The following CAPS2 variants were observed in gnomAD, a reference collection of about 807,000 sequenced individuals.
CAPS2 encodes the protein calcyphosin-2.
A neutral mutation model predicts 86.5 loss-of-function variants in CAPS2; 98 were observed. The ratio of observed to expected loss-of-function variants is 1.13; its 90% CI spans 0.96 to 1.34. CAPS2 has a LOEUF of 1.34. Ranked by LOEUF, CAPS2 falls within the 40% of genes most tolerant of loss-of-function variation. The pLI is 0.00. For synonymous variants in CAPS2, 210 were observed against 225.1 expected, an observed-to-expected ratio of 0.93 and a Z score of 0.60; for missense variants, 729 against 686.8, an observed-to-expected ratio of 1.06 and a Z score of -0.69.
At position 75,305,984 on chromosome 12, in the gene CAPS2, G is replaced by T. The variant is rs113577778; in HGVS notation, c.660-1108C>A. 4.1e-3 allele frequency: 5,814 copies of T among 1,404,422 alleles called. 120 individuals carry two copies. In the African/African-American group the frequency reaches 0.051, roughly 12 times the overall value. The allele number at this position is 1,404,422 out of a possible 1,614,324, so 87.0% of individuals were successfully genotyped here. ...CAGGGTGGCTCTGAGCAACAGCAGG[G>T]TCCTGACAGGCCTCCTGCTCATGAT... On this transcript the variant is annotated intron_variant, in intron 7 of 16. Coordinates refer to ENST00000393284, the Ensembl canonical transcript of CAPS2.
chr12:75,343,561 A>T (rs2042255888), intron 1 of CAPS2: 2 of 709,672 alleles, frequency 2.8e-6, no homozygotes, highest in Non-Finnish European at 4.5e-6. Flanking sequence ...CTATGCACAT[A>T]ATAAATACCA....
Position 75,381,938 on chromosome 12 carries a change from G to A in CAPS2, c.-395+8900C>T, listed in dbSNP as rs191883313. 2.2e-4 allele frequency among the ~76,000 whole-genome samples: 33 copies of A among 152,206 alleles called. No homozygotes were observed. In the East Asian group the frequency reaches 6.4e-3, roughly 29 times the overall value. ...TCTTATGAAATTTGAATGGCTCCCT[G>A]TGCATCTGGGATTTTAATCCTTGGA... On this transcript the variant is annotated intron_variant, in intron 1 of 5. Coordinates refer to the CAPS2 transcript ENST00000551829.
chr12:75,312,528 T>C (rs1369510105), intron 7 of CAPS2, among the ~76,000 whole-genome samples: 1 of 152,206 alleles, frequency 6.6e-6, no homozygotes, highest in Non-Finnish European at 1.5e-5. Context: ...TACAGATCCT[T>C]AGTAAGAATA....
intron 5 of CAPS2, among the ~76,000 whole-genome samples, chr12:75,316,770 A>C (rs1038808241): frequency 6.6e-6 from 1 of 152,188 alleles, no homozygotes; most frequent in African/African-American, 2.4e-5. Context: ...AGCAGCTATT[A>C]TAATTATTAT....
Position 75,359,357 on chromosome 12 carries a change from C to CTTTTTTTTTTTTTTTTTTTT in CAPS2, c.-395+31461_-395+31480dup. ...GAGTTAGAAGACTCAGCATTGTTGT[C>CTTTTTTTTTTTTTTTTTTTT]TTTTTTTTTTTTTTTTTTTTTTTTT... On this transcript the variant is annotated intron_variant, in intron 1 of 5. Coordinates refer to the CAPS2 transcript ENST00000551829. 7.0e-5 allele frequency among the ~76,000 whole-genome samples: 2 copies of CTTTTTTTTTTTTTTTTTTTT among 28,600 alleles called. 1 individual carries two copies. The highest frequency in any genetic ancestry group is 2.8e-4 in the African/African-American group (2 of 7,160). The allele number at this position is 28,600 out of a possible 152,430, so 18.8% of individuals were successfully genotyped here.
chr12:75,342,696 T>C (rs2042197629), intron 1 of CAPS2, among the ~76,000 whole-genome samples: 1 of 152,172 alleles, frequency 6.6e-6, no homozygotes, highest in Non-Finnish European at 1.5e-5. Context: ...CACATAAATT[T>C]TGTAATCAAT....
rs377661352 is a variant in CAPS2, at chr12:75,298,770, G to A, written c.961C>T (p.Leu321Phe). The A allele has an allele frequency of 1.1e-5, 17 of 1,612,948 alleles. No homozygotes were observed. Among genetic ancestry groups the A allele is most frequent in the African/African-American group, 5.3e-5 (4 of 74,876 alleles). ...TAAATGCTTTTTTGAATAAAAGGAA[G>A]CACATTTGTTCTAGAAAGTAAATGA... is the stretch of plus-strand genomic sequence containing the variant. The change falls in exon 11 of 17, where the codon CTT becomes TTT. Residue 321 changes from leucine to phenylalanine, a missense_variant. Coordinates refer to ENST00000393284, the Ensembl canonical transcript of CAPS2.
chr12:75,305,578 C>T (rs1362470626), intron 7 of CAPS2: 5 of 629,882 alleles, frequency 7.9e-6, no homozygotes, highest in Admixed American at 5.8e-5. Context: ...GCAGAGCCCT[C>T]CTCCAGACCC....
chr12:75,299,113 A>G, intron 9 of CAPS2, 147 bp from the exon 10 acceptor site: 1 of 528,408 alleles, frequency 1.9e-6, no homozygotes, highest in South Asian at 3.8e-5. Context: ...TAGGGAAAAC[A>G]CAAAAACATA....
chr12:75,311,820 A>AG (rs1438633077), intron 7 of CAPS2, among the ~76,000 whole-genome samples: 2 of 151,332 alleles, frequency 1.3e-5, no homozygotes, highest in Non-Finnish European at 2.9e-5. Context: ...AGAAATCATT[A>AG]GTCTAGCAAT....
intron 1 of CAPS2, among the ~76,000 whole-genome samples, chr12:75,345,166 T>A (rs2042364709): frequency 6.6e-6 from 1 of 152,024 alleles, no homozygotes; most frequent in African/African-American, 2.4e-5. Context: ...AGACTCTCAA[T>A]CAGACTCTCA....
chr12:75,341,444 T>A (rs938753913), intron 1 of CAPS2, among the ~76,000 whole-genome samples: 7 of 151,650 alleles, frequency 4.6e-5, no homozygotes, highest in Admixed American at 1.3e-4. Flanking sequence ...ACATTCTTTT[T>A]TTCTTTTTCT....
intron 16 of CAPS2, among the ~76,000 whole-genome samples, chr12:75,279,835 T>C (rs1236978117): frequency 6.6e-6 from 1 of 152,028 alleles, no homozygotes; most frequent in Non-Finnish European, 1.5e-5. Context: ...TTAATCAAGA[T>C]CCAAACTATA....
intron 6 of CAPS2, among the ~76,000 whole-genome samples, chr12:75,314,841 G>C (rs142530845): frequency 6.6e-6 from 1 of 152,000 alleles, no homozygotes; most frequent in Non-Finnish European, 1.5e-5. Context: ...GTTAGAACCC[G>C]TAGGCACACT....
intron 11 of CAPS2, among the ~76,000 whole-genome samples, chr12:75,294,543 T>G (rs1227844364): frequency 2.6e-5 from 4 of 152,176 alleles, no homozygotes; most frequent in African/African-American, 9.6e-5. Context: ...CCTAACTTTC[T>G]TAGGCACCTT....
chr12:75,332,491 C>G (rs150045637), upstream of CAPS2, among the ~76,000 whole-genome samples: 1 of 152,064 alleles, frequency 6.6e-6, no homozygotes. Context: ...TTCAAATATA[C>G]CCAGTGTTAG....
intron 1 of CAPS2, among the ~76,000 whole-genome samples, chr12:75,348,875 A>G (rs2042622190): frequency 6.6e-6 from 1 of 152,204 alleles, no homozygotes; most frequent in Admixed American, 6.5e-5. Context: ...TGATCTCTGA[A>G]AAATAACAAC....
upstream of CAPS2, chr12:75,334,559 T>A (rs994079318): frequency 7.1e-7 from 1 of 1,415,354 alleles, no homozygotes; most frequent in African/African-American, 1.4e-5. Flanking sequence ...CTGCTGCCTG[T>A]TCTTCCCCAC....
At chr12:75,368,562 T>A (rs1266141063) in intron 1 of CAPS2, among the ~76,000 whole-genome samples, 6 of 151,778 alleles carry the variant, frequency 4.0e-5, no homozygotes, top group Admixed American at 3.3e-4. Flanking sequence ...GGTCATGAGG[T>A]TTCCTTAAGA....
Sources: allele counts gnomAD v4.1 joint callset (sites outside exome capture counted in the v4.1 genomes callset), GRCh38; gene constraint gnomAD v4.1.1; transcripts MANE v1.5; gene names NCBI Gene and HGNC (gene_info 2026-07-23, HGNC 2026-07-21).